Variants in GSR observed in about 807,000 individuals in gnomAD.
The protein encoded by GSR is glutathione-disulfide reductase.
GSR carries 48 observed loss-of-function variants against 56.5 expected under a neutral mutation model. The ratio of observed to expected loss-of-function variants is 0.85; its 90% CI spans 0.67 to 1.08. The LOEUF is 1.08. Ranked by LOEUF, GSR falls within the 50% of genes least tolerant of loss-of-function variation. The probability of loss-of-function intolerance (pLI) is 0.00; values close to 1 mark genes in which losing one functional copy is unlikely to be tolerated. For synonymous variants in GSR, 264 were observed against 270.8 expected (o/e 0.97, Z 0.25); for missense variants, 694 against 703.3 (o/e 0.99, Z 0.15).
intron 2 of GSR, among the ~76,000 whole-genome samples, chr8:30,711,158 G>A (rs1260672135): frequency 1.3e-5 from 2 of 152,122 alleles, no homozygotes; most frequent in Non-Finnish European, 2.9e-5. Context: ...TTAAACTCAG[G>A]TATGCATCAC....
intron 8 of GSR, among the ~76,000 whole-genome samples, chr8:30,691,013 C>G (rs1352384545): frequency 3.3e-5 from 5 of 151,904 alleles, no homozygotes; most frequent in Admixed American, 3.3e-4. Context: ...GATCATGGAA[C>G]TGCACTACAG....
chr8:30,717,158 A>C (rs984830276), intron 1 of GSR, among the ~76,000 whole-genome samples: 2 of 151,800 alleles, frequency 1.3e-5, no homozygotes, highest in Non-Finnish European at 2.9e-5. Flanking sequence ...AATCGCTTGA[A>C]CCCAGGAGGT....
chr8:30,697,585 AC>A (rs1803592287), intron 6 of GSR, among the ~76,000 whole-genome samples: 1 of 152,124 alleles, frequency 6.6e-6, no homozygotes, highest in South Asian at 2.1e-4. Context: ...CTATGACTAT[AC>A]CACTGCAGTC....
At chr8:30,717,012 C>G (rs1186446002) in intron 1 of GSR, among the ~76,000 whole-genome samples, 5 of 151,984 alleles carry the variant, frequency 3.3e-5, no homozygotes, top group Admixed American at 2.0e-4. Context: ...CCGAGGCGGG[C>G]AGATCACCTG....
rs1339701853 is a variant in GSR, at chr8:30,689,704, T to C, written c.883-385A>G. Among the ~76,000 whole-genome samples the C allele has an allele frequency of 2.0e-5, 3 of 149,928 alleles. No individual in the cohort carries two copies. The East Asian group carries it at 5.8e-4, about 29-fold the overall frequency. On this transcript the variant is annotated intron_variant, in intron 8 of 12. Coordinates refer to ENST00000221130, the MANE Select transcript of GSR (RefSeq NM_000637.5). ...GCATCACTAGGAAACTTTTCAAAACTGCACAATTAGTGCCTCTCCCTGGGT... is the reference window on the plus strand; with the variant it reads ...GCATCACTAGGAAACTTTTCAAAACCGCACAATTAGTGCCTCTCCCTGGGT...
At chr8:30,699,490 T>C (rs984285894) in intron 6 of GSR, among the ~76,000 whole-genome samples, 2 of 151,642 alleles carry the variant, frequency 1.3e-5, no homozygotes, top group African/African-American at 2.4e-5. Flanking sequence ...CTCTCTCTCT[T>C]TCTTTCTTTC....
intron 7 of GSR, among the ~76,000 whole-genome samples, chr8:30,694,922 G>T (rs7830949): frequency 7.6e-6 from 1 of 130,934 alleles, no homozygotes. Flanking sequence ...AAAAAAATTA[G>T]TCAGGGCATG....
chr8:30,707,201 T>A (rs1803948181), intron 4 of GSR: 1 of 152,216 alleles, frequency 6.6e-6, no homozygotes, highest in Admixed American at 6.6e-5. Context: ...AATAAACTGG[T>A]ATACTGGTGC....
At chr8:30,691,560 A>C (rs1803378407) in intron 8 of GSR, among the ~76,000 whole-genome samples, 1 of 150,012 alleles carries the variant, frequency 6.7e-6, no homozygotes, top group Non-Finnish European at 1.5e-5. Context: ...GCGTGACTGT[A>C]ATCCCAGCTA....
intron 2 of GSR, among the ~76,000 whole-genome samples, chr8:30,710,124 T>G (rs1327240298): frequency 2.6e-5 from 4 of 152,014 alleles, no homozygotes. Context: ...GGGACCAGCC[T>G]GGCCAACATG....
intron 1 of GSR, among the ~76,000 whole-genome samples, chr8:30,721,952 G>A (rs1390969328): frequency 6.6e-6 from 1 of 151,194 alleles, no homozygotes; most frequent in East Asian, 1.9e-4. Context: ...GGAGGCAGAG[G>A]TTACAGTGAG....
chr8:30,720,601 C>T (rs1422693127), intron 1 of GSR, among the ~76,000 whole-genome samples: 3 of 151,950 alleles, frequency 2.0e-5, no homozygotes, highest in African/African-American at 7.3e-5. Context: ...TCCATGTCTC[C>T]ACCTTCAAAG....
intron 1 of GSR, among the ~76,000 whole-genome samples, chr8:30,715,545 T>G (rs1804303075): frequency 6.6e-6 from 1 of 152,198 alleles, no homozygotes; most frequent in Non-Finnish European, 1.5e-5. Context: ...TCATCCAACC[T>G]GCCTTTTCCA....
intron 5 of GSR, among the ~76,000 whole-genome samples, chr8:30,702,220 T>G (rs548591875): frequency 3.3e-5 from 5 of 151,512 alleles, no homozygotes; most frequent in South Asian, 2.1e-4. Flanking sequence ...CTCGGGAGTC[T>G]GAGGCAGGAA....
At chr8:30,684,567 T>C (rs1035405087) in intron 9 of GSR, among the ~76,000 whole-genome samples, 2 of 152,176 alleles carry the variant, frequency 1.3e-5, no homozygotes, top group Non-Finnish European at 2.9e-5. Flanking sequence ...ACTTTTGAGA[T>C]GTTTTAACAG....
chr8:30,724,602 G>A (rs921434530), intron 1 of GSR, among the ~76,000 whole-genome samples: 12 of 131,952 alleles, frequency 9.1e-5, no homozygotes, highest in African/African-American at 3.5e-4. Flanking sequence ...ACACTGGAGT[G>A]CAGAGGCATG....
intron 1 of GSR, among the ~76,000 whole-genome samples, chr8:30,713,014 T>C (rs1303929030): frequency 6.6e-6 from 1 of 151,902 alleles, no homozygotes; most frequent in Non-Finnish European, 1.5e-5. Flanking sequence ...GGAATAAAAG[T>C]AGAAAAAGCA....
chr8:30,717,179 G>A (rs904413996), intron 1 of GSR, among the ~76,000 whole-genome samples: 11 of 152,144 alleles, frequency 7.2e-5, no homozygotes, highest in Non-Finnish European at 1.5e-4. Context: ...GGAGGTTGCC[G>A]TGAGCGGAGA....
intron 1 of GSR, among the ~76,000 whole-genome samples, chr8:30,713,040 C>CTT (rs923608020): frequency 6.9e-6 from 1 of 145,776 alleles, no homozygotes; most frequent in Non-Finnish European, 1.5e-5. Context: ...CAGAAAACTA[C>CTT]TTTTTTTTTT....
Sources: gnomAD v4.1 joint callset for allele counts (sites outside exome capture counted in the v4.1 genomes callset) on GRCh38, gnomAD v4.1.1 for gene constraint, MANE v1.5 for transcripts, NCBI Gene and HGNC (gene_info 2026-07-23, HGNC 2026-07-21) for gene names.